The following NUMB variants were observed in gnomAD, a reference collection of about 807,000 sequenced individuals.
NUMB encodes the protein protein numb homolog.
NUMB carries 29 observed loss-of-function variants against 59.7 expected under a neutral mutation model. The observed-to-expected ratio is 0.49, with a 90% CI of 0.36 to 0.66. The LOEUF (loss-of-function observed/expected upper bound fraction) is 0.66. Ranked by LOEUF, NUMB falls within the 30% of genes least tolerant of loss-of-function variation. NUMB has a pLI of 0.00. For missense variants in NUMB, 723 were observed against 822.0 expected (o/e 0.88, Z 1.47); for synonymous variants, 288 against 288.2 (o/e 1.00, Z 0.01).
At chr14:73,424,649 A>G (rs1845480312) in intron 1 of NUMB, among the ~76,000 whole-genome samples, 1 of 152,230 alleles carries the variant, frequency 6.6e-6, no homozygotes, top group South Asian at 2.1e-4. Flanking sequence ...CTGAAGAAAC[A>G]AGGAAGTAGG....
intron 1 of NUMB, among the ~76,000 whole-genome samples, chr14:73,430,610 G>C: frequency 6.6e-6 from 1 of 151,918 alleles, no homozygotes; most frequent in East Asian, 1.9e-4. Context: ...CTCTAGTCTG[G>C]GTGACAAGGT....
At chr14:73,307,873 T>A (rs12885404) in intron 6 of NUMB, among the ~76,000 whole-genome samples, 10 of 151,456 alleles carry the variant, frequency 6.6e-5, no homozygotes, top group African/African-American at 2.4e-4. Flanking sequence ...GCTGGGACTA[T>A]AGGCGCCCGC....
chr14:73,427,421 C>T (rs925450425), intron 1 of NUMB, among the ~76,000 whole-genome samples: 26 of 151,872 alleles, frequency 1.7e-4, no homozygotes, highest in Admixed American at 3.3e-4. Flanking sequence ...GCCAAGATCG[C>T]GTCACCGTAC....
intron 4 of NUMB, among the ~76,000 whole-genome samples, chr14:73,336,194 T>C (rs3922336): frequency 0.8 from 121,779 of 152,206 alleles, 49,279 homozygotes; most frequent in African/African-American, 0.92. Flanking sequence ...AACTACCTCA[T>C]ACAACCTCTC....
chr14:73,346,318 T>C (rs184441035), intron 4 of NUMB, among the ~76,000 whole-genome samples: 28 of 151,978 alleles, frequency 1.8e-4, no homozygotes, highest in African/African-American at 6.3e-4. Context: ...CCGTCTCTAC[T>C]AAAAATACAA....
Position 73,276,467 on chromosome 14 carries a change from T to G in NUMB, c.*111A>C. On this transcript the variant is annotated 3_prime_UTR_variant, in exon 13 of 13. Transcript: ENST00000555238. ...GCCTGGACTTGTTCCTTGGGACCTT[T>G]GGGATTAGTGAAAAGAGTACTAATC... 1.3e-6 allele frequency: 1 copy of G among 788,888 alleles called. No homozygotes were observed. The highest frequency in any genetic ancestry group is 1.9e-5 in the South Asian group (1 of 53,920). 48.9% of individuals were successfully genotyped at this position (788,888 alleles called of 1,614,324 possible).
At chr14:73,389,133 T>C (rs892540220) in intron 2 of NUMB, among the ~76,000 whole-genome samples, 48 of 144,190 alleles carry the variant, frequency 3.3e-4, no homozygotes, top group Non-Finnish European at 6.3e-4. Flanking sequence ...TAGCTGGATG[T>C]GGTGGTGCGC....
At chr14:73,286,683 G>A (rs1453294574) in intron 9 of NUMB, 1 of 210,482 alleles carries the variant, frequency 4.8e-6, no homozygotes, top group East Asian at 1.1e-4. Flanking sequence ...CATATAAACA[G>A]TATTACTGTT....
At chr14:73,342,539 G>T (rs1337021941) in intron 4 of NUMB, among the ~76,000 whole-genome samples, 2 of 152,170 alleles carry the variant, frequency 1.3e-5, no homozygotes, top group Non-Finnish European at 2.9e-5. Flanking sequence ...TGTGGTCAAT[G>T]CCTATCAGTC....
chr14:73,358,221 A>T (rs903066025), intron 3 of NUMB, among the ~76,000 whole-genome samples: 1 of 152,226 alleles, frequency 6.6e-6, no homozygotes. Context: ...ATACTCAAGT[A>T]TAAGTGATAC....
chr14:73,331,755 G>A (rs958523559), intron 4 of NUMB, among the ~76,000 whole-genome samples: 1 of 152,118 alleles, frequency 6.6e-6, no homozygotes, highest in East Asian at 1.9e-4. Flanking sequence ...TAAGCGTCTA[G>A]CATTTCCCTT....
At chr14:73,396,326 GT>G (rs869164557) in intron 2 of NUMB, among the ~76,000 whole-genome samples, 1 of 66,178 alleles carries the variant, frequency 1.5e-5, no homozygotes. Context: ...TTAGGGGTGT[GT>G]GTGTGTGTGT....
chr14:73,433,088 T>TC (rs768781357), intron 1 of NUMB, among the ~76,000 whole-genome samples: 81 of 151,766 alleles, frequency 5.3e-4, no homozygotes, highest in South Asian at 1.0e-3. Context: ...ACGCCTGTAG[T>TC]CCCAGCTACT....
chr14:73,304,409 C>G (rs956264309), intron 6 of NUMB, among the ~76,000 whole-genome samples: 21 of 152,228 alleles, frequency 1.4e-4, no homozygotes, highest in Middle Eastern at 6.8e-3. Context: ...CTCCTGGGCT[C>G]AAGTCATCTA....
intron 5 of NUMB, among the ~76,000 whole-genome samples, chr14:73,320,153 T>C (rs1309184567): frequency 6.6e-6 from 1 of 151,882 alleles, no homozygotes; most frequent in Non-Finnish European, 1.5e-5. Context: ...AAAAAAAGAA[T>C]GGGGATGTTT....
At chr14:73,362,801 T>C (rs988097322) in intron 3 of NUMB, among the ~76,000 whole-genome samples, 5 of 152,110 alleles carry the variant, frequency 3.3e-5, no homozygotes, top group African/African-American at 1.2e-4. Context: ...TGACATAGCA[T>C]ATTGGTTACT....
chr14:73,297,474 C>T, intron 6 of NUMB, 189 bp from the exon 7 acceptor site: 1 of 451,086 alleles, frequency 2.2e-6, no homozygotes, highest in Non-Finnish European at 3.9e-6. Context: ...AAAAACAAGC[C>T]AAAGCCATTA....
At chr14:73,389,607 C>T (rs1357597480) in intron 2 of NUMB, among the ~76,000 whole-genome samples, 1 of 152,146 alleles carries the variant, frequency 6.6e-6, no homozygotes, top group Non-Finnish European at 1.5e-5. Context: ...CAGGCATGAA[C>T]CTCCAAAGTG....
At chr14:73,294,950 T>TTAAAAAAAAAAAAAAAAAAAAA (rs1419411157) in intron 7 of NUMB, among the ~76,000 whole-genome samples, 2 of 24,386 alleles carry the variant, frequency 8.2e-5, no homozygotes. Flanking sequence ...AACCCATCTC[T>TTAAAAAAAAAAAAAAAAAAAAA]AAAAAAAAAA....
Sources: allele counts gnomAD v4.1 joint callset (sites outside exome capture counted in the v4.1 genomes callset), GRCh38; gene constraint gnomAD v4.1.1; transcripts MANE v1.5; gene names NCBI Gene and HGNC (gene_info 2026-07-23, HGNC 2026-07-21).